The following CCSER1 variants were observed in gnomAD, a reference collection of about 807,000 sequenced individuals.
The protein encoded by CCSER1 is serine-rich coiled-coil domain-containing protein 1.
A neutral mutation model predicts 82.0 loss-of-function variants in CCSER1; 41 were observed. That is an observed-to-expected ratio of 0.50 (90% CI 0.39 to 0.65). The LOEUF (loss-of-function observed/expected upper bound fraction) is 0.65. CCSER1 is among the 30% of genes least tolerant of loss of function. The probability of loss-of-function intolerance (pLI) is 0.00; values close to 1 mark genes in which losing one functional copy is unlikely to be tolerated. For synonymous variants in CCSER1, 414 were observed against 383.9 expected (o/e 1.08, Z -0.92); for missense variants, 1,119 against 1,064.2 (o/e 1.05, Z -0.72).
chr4:91,054,171 A>G (rs1225370660), intron 9 of CCSER1, among the ~76,000 whole-genome samples: 1 of 152,152 alleles, frequency 6.6e-6, no homozygotes, highest in Non-Finnish European at 1.5e-5. Flanking sequence ...CTTGCCAGCT[A>G]TACTCTGCCA....
chr4:90,326,995 G>A (rs1046087889), intron 3 of CCSER1, among the ~76,000 whole-genome samples: 2 of 152,108 alleles, frequency 1.3e-5, no homozygotes, highest in African/African-American at 4.8e-5. Flanking sequence ...AAGCAATTCA[G>A]ACATATTCTG....
intron 7 of CCSER1, among the ~76,000 whole-genome samples, chr4:90,763,578 G>A (rs1008105715): frequency 2.0e-5 from 3 of 152,200 alleles, no homozygotes; most frequent in East Asian, 3.9e-4. Flanking sequence ...AAGTCCCATC[G>A]AGATGTTGGT....
At chr4:90,268,234 G>A (rs914334477) in intron 1 of CCSER1, among the ~76,000 whole-genome samples, 9 of 152,076 alleles carry the variant, frequency 5.9e-5, no homozygotes, top group African/African-American at 2.2e-4. Context: ...TAATAAATAT[G>A]CAGAAAAACA....
At chr4:91,499,054 T>A (rs1759073438) in intron 10 of CCSER1, among the ~76,000 whole-genome samples, 1 of 151,932 alleles carries the variant, frequency 6.6e-6, no homozygotes. Flanking sequence ...CTTCTATACT[T>A]ATGCAGGAAT....
chr4:90,813,966 G>T (rs1444478218), intron 7 of CCSER1, among the ~76,000 whole-genome samples: 1 of 152,182 alleles, frequency 6.6e-6, no homozygotes, highest in Non-Finnish European at 1.5e-5. Context: ...CCCTAGCAGA[G>T]GTTCTCCTTA....
At chr4:90,482,676 G>A (rs1351975476) in intron 5 of CCSER1, among the ~76,000 whole-genome samples, 1 of 152,182 alleles carries the variant, frequency 6.6e-6, no homozygotes, top group Non-Finnish European at 1.5e-5. Flanking sequence ...ATGTAGTTGA[G>A]CGGTTTTGAG....
At chr4:90,531,798 C>G (rs1409516967) in intron 5 of CCSER1, among the ~76,000 whole-genome samples, 1 of 151,990 alleles carries the variant, frequency 6.6e-6, no homozygotes, top group Non-Finnish European at 1.5e-5. Flanking sequence ...GCCAGTTGAG[C>G]CTTTTCACAA....
At chr4:91,554,036 T>C (rs1046879096) in intron 10 of CCSER1, among the ~76,000 whole-genome samples, 7 of 151,476 alleles carry the variant, frequency 4.6e-5, no homozygotes, top group Non-Finnish European at 1.0e-4. Flanking sequence ...TAAACTTCCT[T>C]CTTAGAAATG....
chr4:90,598,867 A>G (rs184023476), intron 5 of CCSER1, among the ~76,000 whole-genome samples: 1 of 152,270 alleles, frequency 6.6e-6, no homozygotes, highest in East Asian at 1.9e-4. Flanking sequence ...GTAGGGAGCT[A>G]TAGCTTGGCT....
intron 5 of CCSER1, among the ~76,000 whole-genome samples, chr4:90,506,765 C>CAAA (rs561754187): frequency 6.1e-5 from 7 of 114,198 alleles, no homozygotes; most frequent in African/African-American, 2.2e-4. Flanking sequence ...ACTCCGTGTC[C>CAAA]AAAAAAAAAA....
chr4:91,216,386 C>T (rs1215011573), intron 10 of CCSER1, among the ~76,000 whole-genome samples: 4 of 152,208 alleles, frequency 2.6e-5, no homozygotes, highest in Non-Finnish European at 4.4e-5. Context: ...GTGGCACGAT[C>T]TCGGCTCACT....
intron 8 of CCSER1, among the ~76,000 whole-genome samples, chr4:90,861,748 A>G (rs1008362886): frequency 1.3e-5 from 2 of 151,644 alleles, no homozygotes; most frequent in African/African-American, 2.4e-5. Flanking sequence ...TGTGAATACT[A>G]TGTCTCATTT....
chr4:90,603,182 C>T (rs183973911), intron 5 of CCSER1, among the ~76,000 whole-genome samples: 57 of 152,158 alleles, frequency 3.7e-4, no homozygotes, highest in Non-Finnish European at 7.1e-4. Context: ...AAAATAGAAG[C>T]GTATGCAGTG....
chr4:90,533,095 T>G (rs1774810306), intron 5 of CCSER1, among the ~76,000 whole-genome samples: 1 of 140,560 alleles, frequency 7.1e-6, no homozygotes, highest in Non-Finnish European at 1.5e-5. Flanking sequence ...TTTTTTTTTT[T>G]TTTTTTTTTT....
chr4:90,852,052 A>G lies in CCSER1; in HGVS notation c.2094+36207A>G, dbSNP rs554322073. ...AACAGGAAAAGTTTAATATAAAATTATTAACTATAACAGTAGTTTTAGATA... is the reference window on the plus strand; with the variant it reads ...AACAGGAAAAGTTTAATATAAAATTGTTAACTATAACAGTAGTTTTAGATA... On this transcript the variant is annotated intron_variant, in intron 8 of 10. Coordinates refer to ENST00000509176, the MANE Select transcript of CCSER1 (RefSeq NM_001145065.2). Among the ~76,000 whole-genome samples the G allele has an allele frequency of 7.9e-5, 12 of 152,364 alleles. No individual in the cohort carries two copies. In the East Asian group the frequency reaches 2.1e-3, roughly 27 times the overall value.
rs536454071 is a variant in CCSER1 at position 91,264,871 on chromosome 4, A to T, written c.2217+178877A>T. ...GAGGGTAAATCCCTGATTAAGAAAT[A>T]ATTTTATTAAAATATTATGAAGATA... On this transcript the variant is annotated intron_variant, in intron 10 of 10. Transcript: ENST00000509176. Among the ~76,000 whole-genome samples the T allele has an allele frequency of 3.6e-3, 544 of 152,142 alleles. 2 individuals carry two copies. Among genetic ancestry groups the T allele is most frequent in the African/African-American group, 0.012 (515 of 41,566 alleles).
At chr4:90,532,036 T>C (rs753779485) in intron 5 of CCSER1, among the ~76,000 whole-genome samples, 18 of 152,124 alleles carry the variant, frequency 1.2e-4, no homozygotes, top group Admixed American at 5.2e-4. Flanking sequence ...AAAGAAAATA[T>C]GTTTGTAAGA....
intron 10 of CCSER1, among the ~76,000 whole-genome samples, chr4:91,192,206 C>G (rs1166730256): frequency 1.3e-5 from 2 of 152,178 alleles, no homozygotes; most frequent in African/African-American, 4.8e-5. Flanking sequence ...CACTTTTCCC[C>G]CCATGGACTT....
chr4:90,242,303 T>C (rs1747017527), intron 1 of CCSER1, among the ~76,000 whole-genome samples: 1 of 151,864 alleles, frequency 6.6e-6, no homozygotes, highest in Admixed American at 6.6e-5. Context: ...CAAGACTCCG[T>C]CTCAAAAAGA....
Sources: gnomAD v4.1 joint callset for allele counts (sites outside exome capture counted in the v4.1 genomes callset) on GRCh38, gnomAD v4.1.1 for gene constraint, MANE v1.5 for transcripts, NCBI Gene and HGNC (gene_info 2026-07-23, HGNC 2026-07-21) for gene names.